EPHA5: variants seen among roughly 807,000 people sequenced by gnomAD.
The protein encoded by EPHA5 is ephrin type-A receptor 5.
A neutral mutation model predicts 105.0 loss-of-function variants in EPHA5; 60 were observed. The observed-to-expected ratio is 0.57, with a 90% CI of 0.46 to 0.71. EPHA5 has a LOEUF of 0.71. Ranked by LOEUF, EPHA5 falls within the 30% of genes least tolerant of loss-of-function variation. The pLI, the probability that EPHA5 is intolerant of heterozygous loss-of-function variation, is 0.00. For synonymous variants in EPHA5, 513 were observed against 449.1 expected, an observed-to-expected ratio of 1.14 and a Z score of -1.80; for missense variants, 1,218 against 1,274.7, an observed-to-expected ratio of 0.96 and a Z score of 0.68.
At chr4:65,369,080 T>C (rs952017906) in intron 8 of EPHA5, among the ~76,000 whole-genome samples, 1 of 152,184 alleles carries the variant, frequency 6.6e-6, no homozygotes, top group Non-Finnish European at 1.5e-5. Flanking sequence ...CTTTTTAGCT[T>C]ATTGAATGGC....
rs1261162946 is a variant in EPHA5, at chr4:65,574,669, C to CAT, written c.910+26970_910+26971dup. On this transcript the variant is annotated intron_variant, in intron 3 of 16. Transcript: ENST00000613740. Reference sequence around the variant, plus strand: ...ATATATATACACATATATATATACACATATATATACATATATATACATATA... The same window carrying CAT: ...ATATATATACACATATATATATACACATATATATATACATATATATACATATA... 3.9e-3 allele frequency among the ~76,000 whole-genome samples: 115 copies of CAT among 29,730 alleles called. 2 individuals carry two copies. The highest frequency in any genetic ancestry group is 7.1e-3 in the Admixed American group (11 of 1,544). 19.5% of individuals were successfully genotyped at this position (29,730 alleles called of 152,430 possible).
At chr4:65,546,393 G>T (rs1474005509) in intron 3 of EPHA5, among the ~76,000 whole-genome samples, 1 of 151,956 alleles carries the variant, frequency 6.6e-6, no homozygotes, top group African/African-American at 2.4e-5. Context: ...TTTGAGAGTT[G>T]TTAAAAGGTG....
intron 7 of EPHA5, among the ~76,000 whole-genome samples, chr4:65,407,362 G>GA (rs906349382): frequency 8.5e-5 from 13 of 152,108 alleles, no homozygotes; most frequent in Admixed American, 5.9e-4. Context: ...TTAAATTTGA[G>GA]AAAAAATATA....
intron 5 of EPHA5, among the ~76,000 whole-genome samples, chr4:65,439,424 C>T (rs1430897311): frequency 6.6e-6 from 1 of 151,468 alleles, no homozygotes; most frequent in Non-Finnish European, 1.5e-5. Context: ...TTCCACATCT[C>T]CACCCCCACA....
chr4:65,443,237 T>C (rs1388637604), intron 5 of EPHA5, among the ~76,000 whole-genome samples: 1 of 152,028 alleles, frequency 6.6e-6, no homozygotes, highest in Non-Finnish European at 1.5e-5. Context: ...TTAAAAAGTG[T>C]ATCCATATAT....
At chr4:65,387,141 C>A (rs950487907) in intron 8 of EPHA5, among the ~76,000 whole-genome samples, 2 of 151,506 alleles carry the variant, frequency 1.3e-5, no homozygotes, top group Admixed American at 6.6e-5. Flanking sequence ...GCAGTGGGGG[C>A]GGGGGTTGGG....
chr4:65,373,227 G>A (rs139874662), intron 8 of EPHA5, among the ~76,000 whole-genome samples: 118 of 151,862 alleles, frequency 7.8e-4, no homozygotes, highest in Middle Eastern at 3.4e-3. Flanking sequence ...GGAGCAGTTC[G>A]TGATTATATT....
intron 2 of EPHA5, among the ~76,000 whole-genome samples, chr4:65,642,741 T>C (rs1229165554): frequency 9.9e-5 from 15 of 152,018 alleles, no homozygotes; most frequent in Admixed American, 9.8e-4. Context: ...ATCAAATTTG[T>C]TATAATATTT....
At chr4:65,462,246 T>C (rs901010161) in intron 5 of EPHA5, among the ~76,000 whole-genome samples, 2 of 152,156 alleles carry the variant, frequency 1.3e-5, no homozygotes, top group African/African-American at 4.8e-5. Context: ...GTTTCTTAGA[T>C]TATTTATATA....
intron 2 of EPHA5, among the ~76,000 whole-genome samples, chr4:65,626,560 CAAAT>C (rs1746178480): frequency 6.6e-6 from 1 of 152,040 alleles, no homozygotes; most frequent in Admixed American, 6.5e-5. Flanking sequence ...ATTTTTTGAA[CAAAT>C]AAATATTTGC....
intron 5 of EPHA5, among the ~76,000 whole-genome samples, chr4:65,421,040 G>A (rs1403208228): frequency 6.6e-6 from 1 of 151,702 alleles, no homozygotes; most frequent in Admixed American, 6.6e-5. Context: ...TATTAAACAT[G>A]GGCAGGTTCC....
At position 65,323,809 on chromosome 4, in the gene EPHA5, T is replaced by A; in HGVS notation, c.*305A>T. On this transcript the variant is annotated 3_prime_UTR_variant, in exon 17 of 17. Coordinates refer to ENST00000613740, the MANE Select transcript of EPHA5 (RefSeq NM_001281766.3). ...AGTCTATAAAAGTGCTATATAATTA[T>A]ATATTTCATGTACAAAATTTTGTAG... is the stretch of plus-strand genomic sequence containing the variant. 3.9e-6 allele frequency: 1 copy of A among 253,290 alleles called. No homozygotes were observed. The highest frequency in any genetic ancestry group is 7.6e-6 in the Non-Finnish European group (1 of 130,762). 15.7% of individuals were successfully genotyped at this position (253,290 alleles called of 1,614,324 possible). A position where few individuals can be genotyped will look rare whatever the true frequency, so the allele number is the denominator to read the frequency against.
intron 1 of EPHA5, among the ~76,000 whole-genome samples, chr4:65,647,244 G>T (rs993941892): frequency 1.3e-5 from 2 of 150,032 alleles, no homozygotes; most frequent in African/African-American, 4.9e-5. Flanking sequence ...CAGGAGAATG[G>T]TGTGAACCTG....
chr4:65,424,708 AAG>A (rs1724257893), intron 5 of EPHA5, among the ~76,000 whole-genome samples: 1 of 152,058 alleles, frequency 6.6e-6, no homozygotes, highest in Non-Finnish European at 1.5e-5. Flanking sequence ...ATGAGATCCA[AAG>A]GCAAAGTGCT....
At chr4:65,585,314 C>T (rs1742015755) in intron 3 of EPHA5, among the ~76,000 whole-genome samples, 1 of 151,324 alleles carries the variant, frequency 6.6e-6, no homozygotes, top group Admixed American at 6.6e-5. Context: ...ATCAAAACAA[C>T]ACAAAGTAAA....
intron 5 of EPHA5, among the ~76,000 whole-genome samples, chr4:65,431,588 C>T (rs779094481): frequency 2.6e-5 from 4 of 151,992 alleles, no homozygotes; most frequent in South Asian, 4.2e-4. Flanking sequence ...CTCCTCTTCC[C>T]GACCTCCCTC....
chr4:65,562,358 T>C (rs1303658749), intron 3 of EPHA5, among the ~76,000 whole-genome samples: 1 of 152,106 alleles, frequency 6.6e-6, no homozygotes, highest in Non-Finnish European at 1.5e-5. Context: ...CTTTTGCACA[T>C]TTTGGAGACG....
chr4:65,639,074 A>T (rs1052281480), intron 2 of EPHA5, among the ~76,000 whole-genome samples: 2 of 152,174 alleles, frequency 1.3e-5, no homozygotes, highest in Non-Finnish European at 2.9e-5. Context: ...CCATAAACAA[A>T]CTCTTGTAAA....
chr4:65,585,713 T>C (rs373495760), intron 3 of EPHA5, among the ~76,000 whole-genome samples: 1 of 151,828 alleles, frequency 6.6e-6, no homozygotes, highest in African/African-American at 2.4e-5. Context: ...CTCCTTTATA[T>C]AGAGAAAACA....
Sources: allele counts gnomAD v4.1 joint callset (sites outside exome capture counted in the v4.1 genomes callset), GRCh38; gene constraint gnomAD v4.1.1; transcripts MANE v1.5; gene names NCBI Gene and HGNC (gene_info 2026-07-23, HGNC 2026-07-21).